Variants in MDFIC2 observed in about 807,000 individuals in gnomAD.
The protein encoded by MDFIC2 is MyoD family inhibitor domain containing 2, also known as myoD family inhibitor domain-containing protein 2.
chr3:70,285,704 T>C (rs1168093474), intron 2 of MDFIC2, among the ~76,000 whole-genome samples: 1 of 150,156 alleles, frequency 6.7e-6, no homozygotes, highest in Non-Finnish European at 1.5e-5. Context: ...TTTCTCCACA[T>C]CCTCTCCAGC....
chr3:70,277,834 T>G (rs1176722372), intron 2 of MDFIC2, among the ~76,000 whole-genome samples: 1 of 152,078 alleles, frequency 6.6e-6, no homozygotes, highest in African/African-American at 2.4e-5. Flanking sequence ...ATGTGCCAGG[T>G]ACAGGAGACG....
At chr3:70,278,011 G>A (rs924897109) in intron 2 of MDFIC2, among the ~76,000 whole-genome samples, 6 of 152,134 alleles carry the variant, frequency 3.9e-5, no homozygotes, top group East Asian at 3.9e-4. Context: ...ACATTGATCC[G>A]TTTTTACAAA....
At chr3:70,291,922 T>G (rs1324265295) in intron 2 of MDFIC2, 1 of 152,246 alleles carries the variant, frequency 6.6e-6, no homozygotes, top group South Asian at 2.1e-4. Context: ...CTTACTTAAA[T>G]TGTAACCAAC....
At chr3:70,287,691 ACT>A (rs1702181048) in intron 2 of MDFIC2, among the ~76,000 whole-genome samples, 1 of 151,248 alleles carries the variant, frequency 6.6e-6, no homozygotes, top group Non-Finnish European at 1.5e-5. Context: ...CTGGTCCTGG[ACT>A]CTTTTTGGTT....
At chr3:70,257,227 C>A (rs1701825263) in intron 2 of MDFIC2, among the ~76,000 whole-genome samples, 1 of 152,172 alleles carries the variant, frequency 6.6e-6, no homozygotes. Flanking sequence ...TTGGCAAACC[C>A]TTCCCCATTC....
chr3:70,228,061 G>T (rs1459343485), intron 2 of MDFIC2, among the ~76,000 whole-genome samples: 1 of 151,742 alleles, frequency 6.6e-6, no homozygotes, highest in African/African-American at 2.4e-5. Flanking sequence ...GAATCTTAAT[G>T]ATATCAGATT....
At chr3:70,258,485 GAAGA>G (rs1701837878) in intron 2 of MDFIC2, among the ~76,000 whole-genome samples, 1 of 152,140 alleles carries the variant, frequency 6.6e-6, no homozygotes, top group South Asian at 2.1e-4. Flanking sequence ...AACCGAAACT[GAAGA>G]TAGATCCATT....
intron 2 of MDFIC2, among the ~76,000 whole-genome samples, chr3:70,281,498 A>G (rs1368781142): frequency 6.6e-6 from 1 of 152,168 alleles, no homozygotes; most frequent in Non-Finnish European, 1.5e-5. Context: ...CATTTTCCTT[A>G]AAGTCTCTTT....
intron 2 of MDFIC2, among the ~76,000 whole-genome samples, chr3:70,275,820 A>T (rs1702019575): frequency 6.6e-6 from 1 of 152,236 alleles, no homozygotes. Flanking sequence ...AATTCCATTT[A>T]AAATAAGAAC....
At chr3:70,298,392 G>A (rs982220723) in intron 2 of MDFIC2, among the ~76,000 whole-genome samples, 3 of 151,978 alleles carry the variant, frequency 2.0e-5, no homozygotes, top group Non-Finnish European at 2.9e-5. Context: ...CAACATCAAC[G>A]GGAAGATATT....
chr3:70,295,105 A>C lies in MDFIC2; in HGVS notation c.88+16781T>G, dbSNP rs181720603. On this transcript the variant is annotated intron_variant, in intron 2 of 3. Coordinates refer to ENST00000567252, the MANE Select transcript of MDFIC2 (RefSeq NM_001364677.1). ...AGGGCAGTGGGACCATTATTGGGTTAAACCAGTCAGAATTCTTCCAACTTC... is the reference window on the plus strand; with the variant it reads ...AGGGCAGTGGGACCATTATTGGGTTCAACCAGTCAGAATTCTTCCAACTTC... Among the ~76,000 whole-genome samples, 17 of 152,308 alleles carry C rather than the reference A, an allele frequency of 1.1e-4. No homozygotes were observed. In the East Asian group the frequency reaches 3.3e-3, roughly 29 times the overall value.
chr3:70,281,001 G>A (rs533047178), intron 2 of MDFIC2, among the ~76,000 whole-genome samples: 23 of 152,242 alleles, frequency 1.5e-4, no homozygotes, highest in South Asian at 4.1e-4. Flanking sequence ...TTAAACTTAC[G>A]TATAAAAAAA....
chr3:70,242,240 C>T (rs1223008872), intron 2 of MDFIC2, among the ~76,000 whole-genome samples: 1 of 152,110 alleles, frequency 6.6e-6, no homozygotes, highest in East Asian at 1.9e-4. Flanking sequence ...ATTCATATGC[C>T]TCCAATTAAT....
intron 2 of MDFIC2, among the ~76,000 whole-genome samples, chr3:70,288,638 C>T (rs955749336): frequency 1.8e-4 from 28 of 151,670 alleles, no homozygotes; most frequent in East Asian, 1.2e-3. Context: ...CTCGTTGATC[C>T]GTCTAATGTT....
At chr3:70,309,749 T>G (rs540200006) in intron 2 of MDFIC2, among the ~76,000 whole-genome samples, 6 of 152,230 alleles carry the variant, frequency 3.9e-5, no homozygotes, top group Non-Finnish European at 2.9e-5. Context: ...TGTTGTCATC[T>G]AGCATCTGGC....
intron 2 of MDFIC2, among the ~76,000 whole-genome samples, chr3:70,289,357 T>G (rs1477968259): frequency 1.9e-4 from 29 of 151,204 alleles, no homozygotes; most frequent in African/African-American, 7.0e-4. Flanking sequence ...GGGTTGAAAA[T>G]TCTTTTCTTT....
At position 70,198,334 on chromosome 3, in the gene MDFIC2, T is replaced by C. The variant is rs140703053; in HGVS notation, c.311-1149A>G. ...TTCAGACTTTAGTCAATGGGGAGTA[T>C]ATAAGCATATAGAAGAGATTTTGCC... On this transcript the variant is annotated intron_variant, in intron 3 of 3. Transcript: ENST00000567252. Among the ~76,000 whole-genome samples the C allele has an allele frequency of 3.8e-3, 585 of 152,292 alleles. 3 individuals carry two copies. The highest frequency in any genetic ancestry group is 0.013 in the African/African-American group (556 of 41,576).
At chr3:70,286,947 G>T (rs1224633315) in intron 2 of MDFIC2, among the ~76,000 whole-genome samples, 1 of 151,270 alleles carries the variant, frequency 6.6e-6, no homozygotes, top group African/African-American at 2.4e-5. Context: ...TCAGCTTAAG[G>T]AGATTTTGGG....
chr3:70,248,950 T>C (rs990898855), intron 2 of MDFIC2, among the ~76,000 whole-genome samples: 1 of 152,120 alleles, frequency 6.6e-6, no homozygotes, highest in Admixed American at 6.6e-5. Context: ...AATTGACAAC[T>C]TCACTGTCAT....
Sources: allele counts gnomAD v4.1 joint callset (sites outside exome capture counted in the v4.1 genomes callset), GRCh38; gene constraint gnomAD v4.1.1; transcripts MANE v1.5; gene names NCBI Gene and HGNC (gene_info 2026-07-23, HGNC 2026-07-21).